Variants in DNHD1 observed in about 807,000 individuals in gnomAD.
DNHD1 encodes the protein dynein heavy chain domain-containing protein 1.
DNHD1 carries 383 observed loss-of-function variants against 458.1 expected under a neutral mutation model. The ratio of observed to expected loss-of-function variants is 0.84; its 90% CI spans 0.77 to 0.91. The LOEUF (loss-of-function observed/expected upper bound fraction) is 0.91. Among genes scored for constraint, DNHD1 ranks in the 40% least tolerant of loss-of-function variants. The pLI, the probability that DNHD1 is intolerant of heterozygous loss-of-function variation, is 0.00. For missense variants in DNHD1, 5,336 were observed against 5,866.1 expected (o/e 0.91, Z 2.95); for synonymous variants, 2,203 against 2,376.9 (o/e 0.93, Z 2.13).
At chr11:6,511,786 C>T (rs1048588601) in intron 7 of DNHD1, among the ~76,000 whole-genome samples, 1 of 152,208 alleles carries the variant, frequency 6.6e-6, no homozygotes, top group African/African-American at 2.4e-5. Context: ...ATTTTTGAAC[C>T]TATCTTGAAC....
At chr11:6,566,439 T>A (rs772838119) in intron 34 of DNHD1, 46 bp downstream of exon 34, 4 of 1,552,018 alleles carry the variant, frequency 2.6e-6, no homozygotes, top group Non-Finnish European at 3.5e-6. Flanking sequence ...GTGGACACAC[T>A]AGGCCCTCAG....
rs1853696167 is a variant in DNHD1, at chr11:6,566,336, C to T, written c.11149C>T (p.Gln3717Ter). 3 of 1,554,382 alleles carry T rather than the reference C, an allele frequency of 1.9e-6. No homozygotes were observed. Among genetic ancestry groups the T allele is most frequent in the Non-Finnish European group, 2.6e-6 (3 of 1,148,578 alleles). ...GGAGCAGCTGAGTCCACCCCAGGTG[C>T]AGCCTGGCTTCTGTCTGTATCTCAG... Reference protein sequence around the residue: ...QREQLSPPQVQPGFCLYLSTT... With the variant: ...QREQLSPPQV The change falls in exon 34 of 43, where the codon CAG (glutamine) becomes TAG (stop). Residue 3717 changes from glutamine (Q) to a stop codon, truncating the protein, a stop_gained. Transcript: ENST00000254579. LOFTEE classifies it high-confidence loss of function.
rs751229950 is a variant in DNHD1 at position 6,563,813 on chromosome 11, A to C, written c.9973A>C (p.Ser3325Arg). ...GCGGGCAGTGAGCCGACCTGCAGCC[A>C]GCCTGGCAGCCTGGCTCTGGGCTGT... ...ALRAVSRPAA[S>R]LAAWLWAVLH... The change falls in exon 31 of 43, where the codon AGC becomes CGC. Residue 3325 changes from serine to arginine, a missense_variant. Physicochemically the swap from Ser to Arg is moderately radical, Grantham distance 110. This residue lies in a region of DNHD1 where 3,932 missense variants were observed against 4,365.6 expected (regional missense o/e 0.90). Transcript: ENST00000254579. 55 of 1,551,370 alleles carry C rather than the reference A, an allele frequency of 3.5e-5. No homozygotes were observed. The highest frequency in any genetic ancestry group is 4.7e-5 in the Non-Finnish European group (54 of 1,146,834).
chr11:6,521,734 GTTGT>G (rs528444621), intron 10 of DNHD1, among the ~76,000 whole-genome samples: 3 of 152,104 alleles, frequency 2.0e-5, no homozygotes, highest in Admixed American at 6.6e-5. Flanking sequence ...AGTTCTTTTT[GTTGT>G]TTGTTTGTTT....
chr11:6,571,354 C>T lies in DNHD1; in HGVS notation c.13842C>T (p.Ser4614=), dbSNP rs1469627430. 2 of 1,612,126 alleles carry T rather than the reference C, an allele frequency of 1.2e-6. No individual in the cohort carries two copies. Among genetic ancestry groups the T allele is most frequent in the African/African-American group, 2.7e-5 (2 of 74,894 alleles). The change falls in exon 42 of 43, where the codon AGC becomes AGT. Residue 4614 remains serine (S), a synonymous_variant. Transcript: ENST00000254579. The surrounding 1 kb of genome is among the most constrained non-coding windows in gnomAD (Gnocchi z 5.0). Reference sequence around the variant, plus strand: ...TGCCCAGCTCGAATTTCCCTGGTAGCCGAGGCTCGGTCTCCAGTCAGCTCC... The same window carrying T: ...TGCCCAGCTCGAATTTCCCTGGTAGTCGAGGCTCGGTCTCCAGTCAGCTCC... ...QNVPSSNFPG[S]RGSVSSQLQY...
chr11:6,499,808 C>T (rs1296830818), intron 3 of DNHD1, among the ~76,000 whole-genome samples: 7 of 151,988 alleles, frequency 4.6e-5, no homozygotes, highest in African/African-American at 9.7e-5. Context: ...CCTCATGATC[C>T]GCCCACCTCT....
chr11:6,568,323 G>A, intron 37 of DNHD1, 81 bp downstream of exon 37: 1 of 1,542,374 alleles, frequency 6.5e-7, no homozygotes, highest in South Asian at 1.2e-5. Context: ...CTCATGGCCA[G>A]TGACCTAGCA....
chr11:6,511,937 A>G (rs972403680), intron 7 of DNHD1, among the ~76,000 whole-genome samples: 7 of 152,140 alleles, frequency 4.6e-5, no homozygotes, highest in African/African-American at 1.2e-4. Flanking sequence ...CCCATGGTCT[A>G]TTATCATGGT....
chr11:6,525,230 C>T (rs761848862), intron 10 of DNHD1, among the ~76,000 whole-genome samples: 1 of 152,104 alleles, frequency 6.6e-6, no homozygotes, highest in Non-Finnish European at 1.5e-5. Flanking sequence ...GAATCTTTTC[C>T]GGAAACTCCC....
At chr11:6,541,120 G>A (rs1163026863) in intron 18 of DNHD1, among the ~76,000 whole-genome samples, 1 of 152,160 alleles carries the variant, frequency 6.6e-6, no homozygotes, top group Admixed American at 6.5e-5. Flanking sequence ...AGGGAGGTGG[G>A]GAGAGGACTT....
In DNHD1 at chr11:6,508,911, A is replaced by G. The variant is rs1434691885; in HGVS notation, c.952A>G (p.Lys318Glu). 2.6e-5 allele frequency: 42 copies of G among 1,614,006 alleles called. No individual in the cohort carries two copies. The highest frequency in any genetic ancestry group is 3.4e-5 in the Non-Finnish European group (40 of 1,180,028). The change falls in exon 5 of 43, where the codon AAG (lysine) becomes GAG (glutamate). Residue 318 changes from lysine to glutamate, a missense_variant. Transcript: ENST00000254579. Reference sequence around the variant, plus strand: ...CAGCCTGATGGTGGTGCCACCCGACAAGGTGAATCCCGAGCACTACATCTT... The same window carrying G: ...CAGCCTGATGGTGGTGCCACCCGACGAGGTGAATCCCGAGCACTACATCTT... ...PYSLMVVPPDKVNPEHYIFSP... is the reference protein window; with the variant it reads ...PYSLMVVPPDEVNPEHYIFSP...
chr11:6,536,490 A>G (rs1442334580), intron 14 of DNHD1, among the ~76,000 whole-genome samples: 1 of 152,248 alleles, frequency 6.6e-6, no homozygotes, highest in African/African-American at 2.4e-5. Flanking sequence ...GTGTGTGTGT[A>G]TATGTGCATA....
chr11:6,514,186 C>A (rs1302978597), intron 7 of DNHD1, among the ~76,000 whole-genome samples: 1 of 152,112 alleles, frequency 6.6e-6, no homozygotes, highest in African/African-American at 2.4e-5. Context: ...TCACTGCAAC[C>A]TCCACCTCCT....
chr11:6,515,427 A>C (rs1180510534), intron 7 of DNHD1, among the ~76,000 whole-genome samples: 1 of 152,064 alleles, frequency 6.6e-6, no homozygotes, highest in Non-Finnish European at 1.5e-5. Flanking sequence ...TTTAGTGCTC[A>C]CTTCTGTTTA....
At chr11:6,543,404 G>T (rs6578761) in intron 18 of DNHD1, among the ~76,000 whole-genome samples, 1 of 151,950 alleles carries the variant, frequency 6.6e-6, no homozygotes, top group African/African-American at 2.4e-5. Context: ...ACCAAGACCC[G>T]TTTTAAGACA....
intron 7 of DNHD1, 87 bp from the exon 8 acceptor site, chr11:6,519,513 C>T: frequency 6.7e-7 from 1 of 1,500,168 alleles, no homozygotes; most frequent in Non-Finnish European, 9.1e-7. Flanking sequence ...GTCCCAGACT[C>T]CAAGACCTGA....
At position 6,571,875 on chromosome 11, in the gene DNHD1, C is replaced by T. The variant is rs368963290; in HGVS notation, c.14151C>T (p.Thr4717=). The T allele has an allele frequency of 1.9e-4, 300 of 1,614,028 alleles. No individual in the cohort carries two copies. Among genetic ancestry groups the T allele is most frequent in the Non-Finnish European group, 2.4e-4 (289 of 1,179,904 alleles). Residue 4717 remains threonine (T), a synonymous_variant, in exon 43 of 43, where the codon ACC becomes ACT. Transcript: ENST00000254579. This position sits in a 1 kb window ranked among gnomAD's most constrained non-coding sequence, Gnocchi z 5.0. The part of the protein sequence containing the change: ...CPVYMGGPLG[T]AKLQSRNIVM... ...TGTACATGGGAGGGCCCCTTGGCAC[C>T]GCTAAGCTGCAGAGCAGGAACATCG...
At chr11:6,532,303 T>A (rs1045483669) in intron 12 of DNHD1, among the ~76,000 whole-genome samples, 2 of 152,202 alleles carry the variant, frequency 1.3e-5, no homozygotes, top group Non-Finnish European at 2.9e-5. Flanking sequence ...TACAACGGGA[T>A]CTTAGATTTT....
chr11:6,502,395 A>G (rs536749041), intron 3 of DNHD1, among the ~76,000 whole-genome samples: 1 of 152,370 alleles, frequency 6.6e-6, no homozygotes, highest in Admixed American at 6.5e-5. Flanking sequence ...GTGGGCTTAC[A>G]GAGCAATGAG....
Sources: allele counts gnomAD v4.1 joint callset (sites outside exome capture counted in the v4.1 genomes callset), GRCh38; gene constraint gnomAD v4.1.1; regional missense constraint gnomAD v4.1.1; non-coding constraint Gnocchi (gnomAD v3.1); transcripts MANE v1.5; gene names NCBI Gene and HGNC (gene_info 2026-07-23, HGNC 2026-07-21).